NELL2: variants seen among roughly 807,000 people sequenced by gnomAD.
NELL2 encodes neural EGFL like 2.
In NELL2, 41 loss-of-function variants were observed where a neutral mutation model predicts 109.6. The observed-to-expected ratio is 0.37, with a 90% confidence interval of 0.29 to 0.49. NELL2 has a LOEUF of 0.49. NELL2 is among the 20% of genes least tolerant of loss of function. NELL2 has a pLI of 0.98. For missense variants in NELL2, 900 were observed against 1,008.3 expected (o/e 0.89, Z 1.45); for synonymous variants, 355 against 344.7 (o/e 1.03, Z -0.33).
intron 15 of NELL2, among the ~76,000 whole-genome samples, chr12:44,595,687 C>T (rs995869662): frequency 2.0e-5 from 3 of 151,594 alleles, no homozygotes; most frequent in South Asian, 2.1e-4. Flanking sequence ...ATGATCTGCC[C>T]GCCTCGGCCT....
At chr12:44,687,776 T>G (rs1948774346) in intron 12 of NELL2, among the ~76,000 whole-genome samples, 1 of 152,244 alleles carries the variant, frequency 6.6e-6, no homozygotes, top group Non-Finnish European at 1.5e-5. Context: ...TTAAACTTAA[T>G]GAAGTTGCAA....
upstream of NELL2, among the ~76,000 whole-genome samples, chr12:44,916,398 A>T (rs1187089624): frequency 6.6e-6 from 1 of 152,228 alleles, no homozygotes; most frequent in Non-Finnish European, 1.5e-5. Flanking sequence ...AGCTAAAAAA[A>T]ATGGTATTAA....
At chr12:44,864,702 A>T (rs1405053602) in intron 2 of NELL2, among the ~76,000 whole-genome samples, 1 of 152,196 alleles carries the variant, frequency 6.6e-6, no homozygotes, top group African/African-American at 2.4e-5. Flanking sequence ...TTTAAACTAC[A>T]CTTTACATCA....
Sources: gnomAD v4.1 joint callset for allele counts (sites outside exome capture counted in the v4.1 genomes callset) on GRCh38, gnomAD v4.1.1 for gene constraint, MANE v1.5 for transcripts, NCBI Gene and HGNC (gene_info 2026-07-23, HGNC 2026-07-21) for gene names.